The following PLCG2 variants were observed in gnomAD, a reference collection of about 807,000 sequenced individuals.
The protein encoded by PLCG2 is phospholipase C gamma 2.
PLCG2 carries 69 observed loss-of-function variants against 175.6 expected under a neutral mutation model. The ratio of observed to expected loss-of-function variants is 0.39; its 90% CI spans 0.32 to 0.48. PLCG2 has a LOEUF of 0.48. Among genes scored for constraint, PLCG2 ranks in the 20% least tolerant of loss-of-function variants. The pLI, the probability that PLCG2 is intolerant of heterozygous loss-of-function variation, is 0.91. For missense variants in PLCG2, 1,798 were observed against 1,650.9 expected (o/e 1.09, Z -1.54); for synonymous variants, 827 against 624.0 (o/e 1.33, Z -4.85).
chr16:81,869,354 C>T, intron 6 of PLCG2, 56 bp downstream of exon 6: 2 of 1,261,866 alleles, frequency 1.6e-6, no homozygotes, highest in Non-Finnish European at 1.2e-6. Flanking sequence ...CTTAGCCTCT[C>T]TCATGAAGCC....
chr16:81,938,806 C>T lies in PLCG2; in HGVS notation c.3204C>T (p.Leu1068=), dbSNP rs755638224. ...KILMTLTVKV[L]GARHLPKLGR... is the part of the protein sequence containing the mutation. The stretch of plus-strand genomic sequence containing the variant: ...GCTTCCCTTTGGTGTCCCAGGTTCT[C>T]GGTGCTCGCCATCTCCCCAAACTTG... Residue 1068 remains leucine (L), a synonymous_variant, in exon 29 of 33, where the codon CTC becomes CTT. Coordinates refer to ENST00000564138, the MANE Select transcript of PLCG2 (RefSeq NM_002661.5). 9 of 1,605,654 alleles carry T rather than the reference C, an allele frequency of 5.6e-6. No homozygotes were observed. Among genetic ancestry groups the T allele is most frequent in the Middle Eastern group, 1.7e-4 (1 of 6,050 alleles).
intron 5 of PLCG2, among the ~76,000 whole-genome samples, chr16:81,864,574 T>G (rs1047197184): frequency 2.0e-5 from 3 of 152,170 alleles, no homozygotes; most frequent in African/African-American, 7.2e-5. Flanking sequence ...GTGTAAAAGA[T>G]AAAATAATAG....
intron 1 of PLCG2, among the ~76,000 whole-genome samples, chr16:81,781,165 C>T (rs1444264308): frequency 2.0e-5 from 3 of 152,222 alleles, no homozygotes; most frequent in African/African-American, 4.8e-5. Flanking sequence ...CCTCTCCCAG[C>T]CTCCGATAAA....
chr16:81,864,601 C>T (rs1021263988), intron 5 of PLCG2, among the ~76,000 whole-genome samples: 1 of 152,242 alleles, frequency 6.6e-6, no homozygotes, highest in African/African-American at 2.4e-5. Context: ...CCTCCCAGGG[C>T]AGATGTGAGG....
intron 21 of PLCG2, 44 bp downstream of exon 21, chr16:81,921,313 G>T (rs753429736): frequency 4.1e-6 from 5 of 1,232,212 alleles, no homozygotes; most frequent in Middle Eastern, 3.7e-4. Flanking sequence ...GGAGTCACGA[G>T]GCTGATGTGG....
intron 2 of PLCG2, among the ~76,000 whole-genome samples, chr16:81,802,180 T>G (rs1911757838): frequency 7.4e-6 from 1 of 136,002 alleles, no homozygotes; most frequent in East Asian, 2.5e-4. Context: ...TGGCGCTATC[T>G]TGGCTCACTG....
At position 81,948,902 on chromosome 16, in the gene PLCG2, G is replaced by C. The variant is rs577303306; in HGVS notation, c.3570+2639G>C. 2.6e-5 allele frequency among the ~76,000 whole-genome samples: 4 copies of C among 152,354 alleles called. No individual in the cohort carries two copies. The South Asian group carries it at 8.3e-4, about 32-fold the overall frequency. On this transcript the variant is annotated intron_variant, in intron 31 of 32. Transcript: ENST00000564138. ...CACCTGGAATAGATGGCTGGCAGTTGAAACTGAGCCAGTGGAAACCTCAGA... is the reference window on the plus strand; with the variant it reads ...CACCTGGAATAGATGGCTGGCAGTTCAAACTGAGCCAGTGGAAACCTCAGA...
chr16:81,897,946 A>G (rs1161385064), intron 13 of PLCG2: 1 of 443,436 alleles, frequency 2.3e-6, no homozygotes, highest in Admixed American at 2.4e-5. Context: ...GCACTTGGTG[A>G]AAACCTTTCA....
rs562251722 is a variant in PLCG2 at position 81,795,860 on chromosome 16, C to T, written c.193+9678C>T. 9.8e-5 allele frequency among the ~76,000 whole-genome samples: 15 copies of T among 152,336 alleles called. No homozygotes were observed. In the South Asian group the frequency reaches 2.3e-3, roughly 23 times the overall value. On this transcript the variant is annotated intron_variant, in intron 2 of 32. Coordinates refer to ENST00000564138, the MANE Select transcript of PLCG2 (RefSeq NM_002661.5). Reference sequence around the variant, plus strand: ...GATCACAGGCATGGGCCACTGTGCCCGGCCCCCTCCCACCTTCTATTGAAC... The same window carrying T: ...GATCACAGGCATGGGCCACTGTGCCTGGCCCCCTCCCACCTTCTATTGAAC...
At chr16:81,815,148 T>G (rs1220323493) in intron 2 of PLCG2, among the ~76,000 whole-genome samples, 1 of 152,190 alleles carries the variant, frequency 6.6e-6, no homozygotes, top group Non-Finnish European at 1.5e-5. Flanking sequence ...ATGAAGCACC[T>G]GTGATATGAC....
intron 2 of PLCG2, among the ~76,000 whole-genome samples, chr16:81,846,377 G>A (rs1021854607): frequency 1.3e-5 from 2 of 152,092 alleles, no homozygotes; most frequent in African/African-American, 2.4e-5. Context: ...TATTCTGCTC[G>A]CCATCCCACT....
chr16:81,858,092 G>A (rs1055008579), intron 3 of PLCG2, 171 bp from the exon 4 acceptor site: 2 of 329,606 alleles, frequency 6.1e-6, no homozygotes, highest in Admixed American at 6.7e-5. Flanking sequence ...CAGACAAAAA[G>A]CAGGTCCTAG....
chr16:81,916,569 C>G (rs1217582745), intron 19 of PLCG2, among the ~76,000 whole-genome samples: 2 of 142,638 alleles, frequency 1.4e-5, no homozygotes, highest in African/African-American at 5.0e-5. Flanking sequence ...AACATATACA[C>G]ACACTTAACC....
Position 81,927,184 on chromosome 16 carries a change from T to G in PLCG2, c.2514+6T>G. The G allele has an allele frequency of 6.3e-7, 1 of 1,589,760 alleles. No homozygotes were observed. Among genetic ancestry groups the G allele is most frequent in the Non-Finnish European group, 8.6e-7 (1 of 1,158,096 alleles). On this transcript the variant is annotated splice_donor_region_variant and intron_variant, in intron 23 of 32. Coordinates refer to ENST00000564138, the MANE Select transcript of PLCG2 (RefSeq NM_002661.5). Reference sequence around the variant, plus strand: ...TCGAGGAGCTAGAAAAGCAGGTGAGTCCCCCTCTTCGATCCTCTTACAGGA... The same window carrying G: ...TCGAGGAGCTAGAAAAGCAGGTGAGGCCCCCTCTTCGATCCTCTTACAGGA...
chr16:81,850,782 A>G (rs1423105722), intron 2 of PLCG2, among the ~76,000 whole-genome samples: 1 of 152,158 alleles, frequency 6.6e-6, no homozygotes, highest in Non-Finnish European at 1.5e-5. Context: ...TAGCGTGTTA[A>G]ATCCCCACCC....
Position 81,883,273 on chromosome 16 carries a change from A to C in PLCG2, c.697A>C (p.Thr233Pro). 1 of 1,614,106 alleles carries C rather than the reference A, an allele frequency of 6.2e-7. No homozygotes were observed. Among genetic ancestry groups the C allele is most frequent in the Non-Finnish European group, 8.5e-7 (1 of 1,179,948 alleles). ...KDSSVFILGNTDRPDASAVYL... is the reference protein window; with the variant it reads ...KDSSVFILGNPDRPDASAVYL... Reference sequence around the variant, plus strand: ...ACCCCCTTTCCCCGAGGATAGGAACACTGACAGGCCGGATGCCTCTGCTGT... The same window carrying C: ...ACCCCCTTTCCCCGAGGATAGGAACCCTGACAGGCCGGATGCCTCTGCTGT... The change falls in exon 9 of 33, where the codon ACT (threonine) becomes CCT (proline). Residue 233 changes from threonine (T) to proline (P), a missense_variant. Coordinates refer to ENST00000564138, the MANE Select transcript of PLCG2 (RefSeq NM_002661.5).
intron 9 of PLCG2, among the ~76,000 whole-genome samples, chr16:81,888,284 C>G (rs1222585921): frequency 6.6e-6 from 1 of 152,090 alleles, no homozygotes; most frequent in East Asian, 1.9e-4. Context: ...AACCTCGGTT[C>G]ATTGCAACCT....
At position 81,827,018 on chromosome 16, in the gene PLCG2, C is replaced by G. The variant is rs184056501; in HGVS notation, c.194-27426C>G. ...TGTTTCTACTTCCAGCCTCCCTGTT[C>G]CCCTAGGGAATTTCCTCATGTTTTG... On this transcript the variant is annotated intron_variant, in intron 2 of 32. Transcript: ENST00000564138. 3.9e-4 allele frequency among the ~76,000 whole-genome samples: 60 copies of G among 152,286 alleles called. No homozygotes were observed. The East Asian group carries it at 0.011, about 29-fold the overall frequency.
At chr16:81,854,308 C>G in intron 2 of PLCG2, 136 bp from the exon 3 acceptor site, 2 of 779,558 alleles carry the variant, frequency 2.6e-6, no homozygotes, top group South Asian at 1.6e-5. Flanking sequence ...ACACTGAGTC[C>G]AGACGCAGAG....
Sources: allele counts gnomAD v4.1 joint callset (sites outside exome capture counted in the v4.1 genomes callset), GRCh38; gene constraint gnomAD v4.1.1; transcripts MANE v1.5; gene names NCBI Gene and HGNC (gene_info 2026-07-23, HGNC 2026-07-21).